The following FBN2 variants were observed in gnomAD, a reference collection of about 807,000 sequenced individuals.
FBN2 encodes the protein fibrillin-2.
FBN2 carries 105 observed loss-of-function variants against 355.6 expected under a neutral mutation model. The observed-to-expected ratio is 0.30, with a 90% CI of 0.25 to 0.35. FBN2 has a LOEUF of 0.35. Ranked by LOEUF, FBN2 falls within the 10% of genes least tolerant of loss-of-function variation. The pLI is 1.00. For missense variants in FBN2, 3,280 were observed against 3,758.7 expected (o/e 0.87, Z 3.33); for synonymous variants, 1,350 against 1,301.2 (o/e 1.04, Z -0.81).
At position 128,276,193 on chromosome 5, in the gene FBN2, G is replaced by T; in HGVS notation, c.7472-33C>A. On this transcript the variant is annotated intron_variant, in intron 58 of 64. Transcript: ENST00000262464. ...AAAGTGATGTGAAGATTAAATTACT[G>T]GTTAAAAGAAACAACCAGACTCTTT... 5 of 1,609,392 alleles carry T rather than the reference G, an allele frequency of 3.1e-6. No individual in the cohort carries two copies. In the South Asian group the frequency reaches 4.4e-5, roughly 14 times the overall value.
chr5:128,527,750 G>T, intron 4 of FBN2, 122 bp downstream of exon 4: 1 of 708,056 alleles, frequency 1.4e-6, no homozygotes, highest in Non-Finnish European at 2.5e-6. Flanking sequence ...CAGTTTTAAG[G>T]TATGGTTTAC....
chr5:128,388,079 C>T (rs767801518), intron 11 of FBN2, among the ~76,000 whole-genome samples: 1 of 152,062 alleles, frequency 6.6e-6, no homozygotes, highest in Non-Finnish European at 1.5e-5. Flanking sequence ...TGCACTGAAC[C>T]TTTATTATTA....
chr5:128,378,370 G>A lies in FBN2; in HGVS notation c.1723+401C>T, dbSNP rs115147787. Among the ~76,000 whole-genome samples the A allele has an allele frequency of 2.3e-3, 353 of 152,270 alleles. 2 individuals are homozygous for A. The highest frequency in any genetic ancestry group is 8.1e-3 in the African/African-American group (335 of 41,560). On this transcript the variant is annotated intron_variant, in intron 12 of 64. Transcript: ENST00000262464. ...AATCAGCAATGAGGTAGCGCGTTTG[G>A]ACCAGGGTGGTGGGTGTAGCACTGA...
chr5:128,530,527 A>G (rs1347482429), intron 3 of FBN2, 68 bp downstream of exon 3: 3 of 1,023,206 alleles, frequency 2.9e-6, no homozygotes, highest in Non-Finnish European at 4.7e-6. Flanking sequence ...GGCACATAGA[A>G]GGACCTTTAG....
chr5:128,374,636 A>G lies in FBN2; in HGVS notation c.2087T>C (p.Val696Ala). 6.2e-7 allele frequency: 1 copy of G among 1,613,962 alleles called. No homozygotes were observed. The highest frequency in any genetic ancestry group is 2.2e-5 in the East Asian group (1 of 44,886). Reference sequence around the variant, plus strand: ...TAAAATGTTTCACTTACCAACACACACACGTCCATCCATGCCCACAGCCAG... The same window carrying G: ...TAAAATGTTTCACTTACCAACACACGCACGTCCATCCATGCCCACAGCCAG... ...PGLAVGMDGR[V>A]CVDTHMRSTC... Residue 696 changes from valine (V) to alanine (A), a missense_variant, in exon 15 of 65, where the codon GTG (valine) becomes GCG (alanine). Coordinates refer to ENST00000262464, the MANE Select transcript of FBN2 (RefSeq NM_001999.4).
At position 128,287,393 on chromosome 5, in the gene FBN2, A is replaced by G. The variant is rs753071532; in HGVS notation, c.6795T>C (p.Ala2265=). The part of the protein sequence containing the change: ...NECAQNPLLC[A]FRCMNTFGSY... ...ACCCAAAAGTGTTCATGCAGCGGAA[A>G]GCACACAGCAGTGGGTTCTGGGCAC... Residue 2265 remains alanine, a synonymous_variant, in exon 54 of 65, where the codon GCT becomes GCC. Transcript: ENST00000262464. 6 of 1,613,970 alleles carry G rather than the reference A, an allele frequency of 3.7e-6. No individual in the cohort carries two copies. In the East Asian group the frequency reaches 1.1e-4, roughly 30 times the overall value.
intron 25 of FBN2, among the ~76,000 whole-genome samples, chr5:128,339,672 T>C (rs550997133): frequency 1.3e-5 from 2 of 152,186 alleles, no homozygotes; most frequent in East Asian, 3.9e-4. Flanking sequence ...AGGTGGTAAA[T>C]GAGGCAGCCA....
In FBN2 at chr5:128,344,580, A is replaced by C. The variant is rs1235323035; in HGVS notation, c.3218-70T>G. On this transcript the variant is annotated intron_variant, in intron 24 of 64. Coordinates refer to ENST00000262464, the MANE Select transcript of FBN2 (RefSeq NM_001999.4). Reference sequence around the variant, plus strand: ...CGATTAGGTCCATCACTTTAAGTTAAAAATCTATCATGATGGACAACAGTA... The same window carrying C: ...CGATTAGGTCCATCACTTTAAGTTACAAATCTATCATGATGGACAACAGTA... The C allele has an allele frequency of 2.7e-6, 4 of 1,465,498 alleles. No homozygotes were observed. In the African/African-American group the frequency reaches 5.5e-5, roughly 20 times the overall value. The allele number at this position is 1,465,498 out of a possible 1,614,324, so 90.8% of individuals were successfully genotyped here.
At chr5:128,531,373 G>C (rs1045951212) in intron 2 of FBN2, among the ~76,000 whole-genome samples, 1 of 152,008 alleles carries the variant, frequency 6.6e-6, no homozygotes, top group African/African-American at 2.4e-5. Context: ...GGACACAAAG[G>C]CATAAGAATG....
At chr5:128,333,937 C>A (rs1750763548) in intron 31 of FBN2, among the ~76,000 whole-genome samples, 2 of 151,454 alleles carry the variant, frequency 1.3e-5, no homozygotes, top group South Asian at 4.2e-4. Context: ...CTTTTATAAT[C>A]TGCCCCTTAC....
chr5:128,447,810 A>G (rs1220987072), intron 6 of FBN2, among the ~76,000 whole-genome samples: 1 of 152,140 alleles, frequency 6.6e-6, no homozygotes, highest in Non-Finnish European at 1.5e-5. Context: ...CCCAGCTTTA[A>G]AATTTCTCTC....
intron 48 of FBN2, among the ~76,000 whole-genome samples, chr5:128,300,398 CT>C (rs1301041643): frequency 6.6e-6 from 1 of 152,152 alleles, no homozygotes; most frequent in Non-Finnish European, 1.5e-5. Flanking sequence ...GACATGAGGC[CT>C]TCCCAAGAAA....
rs565438119 is a variant in FBN2 at position 128,499,911 on chromosome 5, T to C, written c.628+19362A>G. Among the ~76,000 whole-genome samples the C allele has an allele frequency of 1.2e-4, 19 of 152,258 alleles. No individual in the cohort carries two copies. The South Asian group carries it at 2.9e-3, about 23-fold the overall frequency. On this transcript the variant is annotated intron_variant, in intron 5 of 64. Transcript: ENST00000262464. ...AAGGCTTTGCCCATATGCAAAAAGT[T>C]TGCATGCATTAAACCACGACATTAA... is the stretch of plus-strand genomic sequence containing the variant.
At chr5:128,276,651 C>T (rs1315063741) in intron 58 of FBN2, among the ~76,000 whole-genome samples, 3 of 152,244 alleles carry the variant, frequency 2.0e-5, no homozygotes, top group Middle Eastern at 3.4e-3. Flanking sequence ...AGACTCCATC[C>T]GGAGGCTCTC....
At chr5:128,432,104 A>T (rs1753643121) in intron 7 of FBN2, among the ~76,000 whole-genome samples, 1 of 152,186 alleles carries the variant, frequency 6.6e-6, no homozygotes, top group Non-Finnish European at 1.5e-5. Context: ...AAATACCCTG[A>T]ATCATTTAAA....
intron 31 of FBN2, 146 bp downstream of exon 31, chr5:128,334,573 C>T: frequency 1.1e-6 from 1 of 889,946 alleles, no homozygotes. Context: ...CATCACACAT[C>T]CTATAGGTCA....
chr5:128,364,622 A>T lies in FBN2; in HGVS notation c.2406T>A (p.Asp802Glu), dbSNP rs568169177. The T allele has an allele frequency of 3.1e-6, 5 of 1,613,712 alleles. No individual in the cohort carries two copies. In the Admixed American group the frequency reaches 6.7e-5, roughly 22 times the overall value. Residue 802 changes from aspartate to glutamate, a missense_variant, in exon 18 of 65, where the codon GAT becomes GAA. By Grantham distance (45) the Asp-to-Glu change is conservative. Coordinates refer to ENST00000262464, the MANE Select transcript of FBN2 (RefSeq NM_001999.4). ...TACCAATACAGTTTCTTCCAGAGGCATCTGGTTCATAGCCACTGTTGCAAT... is the reference window on the plus strand; with the variant it reads ...TACCAATACAGTTTCTTCCAGAGGCTTCTGGTTCATAGCCACTGTTGCAAT... ...RCNCNSGYEPDASGRNCIDID... is the reference protein window; with the variant it reads ...RCNCNSGYEPEASGRNCIDID...
intron 23 of FBN2, among the ~76,000 whole-genome samples, chr5:128,348,220 T>C (rs1162188301): frequency 2.6e-5 from 4 of 152,188 alleles, no homozygotes; most frequent in Non-Finnish European, 5.9e-5. Flanking sequence ...CATACTGATA[T>C]TATTATTTTT....
chr5:128,348,523 A>G (rs1211149187), intron 23 of FBN2, among the ~76,000 whole-genome samples: 4 of 152,088 alleles, frequency 2.6e-5, no homozygotes, highest in Admixed American at 2.6e-4. Context: ...TTTTTCTTAC[A>G]GTAAATTTTA....
Sources: gnomAD v4.1 joint callset for allele counts (sites outside exome capture counted in the v4.1 genomes callset) on GRCh38, gnomAD v4.1.1 for gene constraint, MANE v1.5 for transcripts, NCBI Gene and HGNC (gene_info 2026-07-23, HGNC 2026-07-21) for gene names.